The following PLXDC2 variants were observed in gnomAD, a reference collection of about 807,000 sequenced individuals.
PLXDC2 encodes the protein plexin domain containing 2.
PLXDC2 carries 40 observed loss-of-function variants against 68.9 expected under a neutral mutation model. The ratio of observed to expected loss-of-function variants is 0.58; its 90% confidence interval spans 0.45 to 0.76. The LOEUF (loss-of-function observed/expected upper bound fraction) is 0.76, where lower values mean the gene tolerates loss of function less well. Ranked by LOEUF, PLXDC2 falls within the 30% of genes least tolerant of loss-of-function variation. The pLI, the probability that PLXDC2 is intolerant of heterozygous loss-of-function variation, is 0.00. For missense variants in PLXDC2, 644 were observed against 661.9 expected, an observed-to-expected ratio of 0.97 and a Z score of 0.30; for synonymous variants, 243 against 234.2, an observed-to-expected ratio of 1.04 and a Z score of -0.34.
rs1477511370 is a variant in PLXDC2, at chr10:20,053,602, C to T, written c.471+6587C>T. On this transcript the variant is annotated intron_variant, in intron 3 of 13. Transcript: ENST00000377252. ...TTTGTGATTTTCCTCTATATTTCTA[C>T]GTCCATGTTATTTAATTTATTTCTG... 3.3e-5 allele frequency among the ~76,000 whole-genome samples: 5 copies of T among 152,226 alleles called. No individual in the cohort carries two copies. In the East Asian group the frequency reaches 5.8e-4, roughly 18 times the overall value.
chr10:20,062,926 G>C (rs1025339427), intron 3 of PLXDC2, among the ~76,000 whole-genome samples: 1 of 151,728 alleles, frequency 6.6e-6, no homozygotes, highest in Non-Finnish European at 1.5e-5. Context: ...ACTCTTCCCA[G>C]AGTTAATACT....
chr10:19,956,109 G>C (rs577097111), intron 1 of PLXDC2, among the ~76,000 whole-genome samples: 4 of 152,080 alleles, frequency 2.6e-5, no homozygotes, highest in African/African-American at 9.6e-5. Context: ...TTCTATTAGA[G>C]TAGATATTGG....
intron 1 of PLXDC2, among the ~76,000 whole-genome samples, chr10:19,830,518 C>G (rs1192219619): frequency 6.6e-6 from 1 of 152,164 alleles, no homozygotes; most frequent in African/African-American, 2.4e-5. Flanking sequence ...TCTGATATTT[C>G]TATCTCCTCA....
chr10:20,152,221 A>G (rs1049501391), intron 6 of PLXDC2, among the ~76,000 whole-genome samples: 2 of 152,138 alleles, frequency 1.3e-5, no homozygotes, highest in African/African-American at 4.8e-5. Context: ...AGTTATAACA[A>G]TCTTGCTTAT....
At chr10:20,076,737 A>G (rs570057461) in intron 4 of PLXDC2, among the ~76,000 whole-genome samples, 131 of 152,272 alleles carry the variant, frequency 8.6e-4, no homozygotes, top group African/African-American at 3.1e-3. Flanking sequence ...AACTGCTCCT[A>G]TTAAAGGCTG....
intron 13 of PLXDC2, among the ~76,000 whole-genome samples, chr10:20,279,073 C>G (rs933392194): frequency 2.6e-5 from 4 of 152,120 alleles, no homozygotes; most frequent in Non-Finnish European, 5.9e-5. Flanking sequence ...TCACGATTGG[C>G]CACACCCTCT....
chr10:19,933,212 T>C (rs193072350), intron 1 of PLXDC2, among the ~76,000 whole-genome samples: 1 of 152,316 alleles, frequency 6.6e-6, no homozygotes, highest in African/African-American at 2.4e-5. Context: ...TGTTTCCTCT[T>C]TTTCTTAAAG....
At chr10:19,997,841 C>T (rs1834867341) in intron 1 of PLXDC2, among the ~76,000 whole-genome samples, 1 of 152,098 alleles carries the variant, frequency 6.6e-6, no homozygotes, top group African/African-American at 2.4e-5. Flanking sequence ...CAATGAAGAA[C>T]TTTCTACAAT....
In PLXDC2 at chr10:20,287,644, T is replaced by C. The variant is rs1449160053; in HGVS notation, c.*7825T>C. Reference sequence around the variant, plus strand: ...TCAGAGCTTCACTTGCAAAGAAATGTTAAAATCATTTTAGGGAAATCAGTG... The same window carrying C: ...TCAGAGCTTCACTTGCAAAGAAATGCTAAAATCATTTTAGGGAAATCAGTG... On this transcript the variant is annotated 3_prime_UTR_variant, in exon 14 of 14. Coordinates refer to ENST00000377252, the MANE Select transcript of PLXDC2 (RefSeq NM_032812.9). The C allele has an allele frequency of 2.0e-5, 3 of 152,128 alleles. No individual in the cohort carries two copies. The highest frequency in any genetic ancestry group is 4.4e-5 in the Non-Finnish European group (3 of 68,036). The allele number at this position is 152,128 out of a possible 1,614,324, so 9.4% of individuals were successfully genotyped here. A position where few individuals can be genotyped will look rare whatever the true frequency, so the allele number is the denominator to read the frequency against.
chr10:20,126,189 A>G (rs1431926326), intron 4 of PLXDC2, among the ~76,000 whole-genome samples: 2 of 146,104 alleles, frequency 1.4e-5, no homozygotes, highest in Non-Finnish European at 3.0e-5. Flanking sequence ...GTTATATAAT[A>G]CATATATGTA....
At chr10:19,849,887 A>C (rs762577513) in intron 1 of PLXDC2, among the ~76,000 whole-genome samples, 2 of 152,162 alleles carry the variant, frequency 1.3e-5, no homozygotes, top group East Asian at 3.9e-4. Context: ...AATAAATTGC[A>C]GTAGAGATTT....
At position 20,285,388 on chromosome 10, in the gene PLXDC2, T is replaced by G. The variant is rs1478401906; in HGVS notation, c.*5569T>G. The stretch of plus-strand genomic sequence containing the variant: ...ATATACAGTAGTGAGAGTCCAGGCA[T>G]GTAACCGATCATTATAATACAATAA... On this transcript the variant is annotated 3_prime_UTR_variant, in exon 14 of 14. Transcript: ENST00000377252. The G allele has an allele frequency of 2.6e-5, 4 of 152,264 alleles. No homozygotes were observed. Among genetic ancestry groups the G allele is most frequent in the Middle Eastern group, 3.4e-3 (1 of 294 alleles). 9.4% of individuals were successfully genotyped at this position (152,264 alleles called of 1,614,324 possible). A position where few individuals can be genotyped will look rare whatever the true frequency, so the allele number is the denominator to read the frequency against.
intron 1 of PLXDC2, among the ~76,000 whole-genome samples, chr10:19,849,182 T>G (rs1837068865): frequency 6.6e-6 from 1 of 152,132 alleles, no homozygotes; most frequent in Non-Finnish European, 1.5e-5. Flanking sequence ...ACAAGTTTAT[T>G]GTAGATAATG....
chr10:20,117,911 GA>G (rs893485091), intron 4 of PLXDC2, among the ~76,000 whole-genome samples: 1 of 152,164 alleles, frequency 6.6e-6, no homozygotes, highest in African/African-American at 2.4e-5. Flanking sequence ...AATGCTTTTA[GA>G]CTAAGTAAGC....
At chr10:20,220,789 C>T (rs1288082098) in intron 12 of PLXDC2, among the ~76,000 whole-genome samples, 7 of 150,146 alleles carry the variant, frequency 4.7e-5, no homozygotes, top group Admixed American at 2.0e-4. Context: ...ATCTTCAAGA[C>T]GGTTATGAAG....
At chr10:19,912,498 C>G (rs2131374998) in intron 1 of PLXDC2, among the ~76,000 whole-genome samples, 1 of 152,190 alleles carries the variant, frequency 6.6e-6, no homozygotes, top group South Asian at 2.1e-4. Context: ...CCTTAATTAC[C>G]TTATGATACA....
intron 1 of PLXDC2, among the ~76,000 whole-genome samples, chr10:19,836,328 G>A (rs912401065): frequency 4.6e-5 from 7 of 152,170 alleles, no homozygotes; most frequent in Admixed American, 1.3e-4. Context: ...AGGTGCATAA[G>A]TGAGTTGAGA....
intron 9 of PLXDC2, among the ~76,000 whole-genome samples, chr10:20,211,452 C>A (rs12243771): frequency 1.3e-5 from 2 of 152,002 alleles, no homozygotes; most frequent in Non-Finnish European, 1.5e-5. Context: ...TTGCCATGTG[C>A]GATCCTAACA....
At chr10:20,134,822 A>G (rs1286452575) in intron 4 of PLXDC2, among the ~76,000 whole-genome samples, 1 of 151,946 alleles carries the variant, frequency 6.6e-6, no homozygotes, top group Admixed American at 6.6e-5. Context: ...CTGGAGTCAC[A>G]TGGGCCAGCC....
Sources: gnomAD v4.1 joint callset for allele counts (sites outside exome capture counted in the v4.1 genomes callset) on GRCh38, gnomAD v4.1.1 for gene constraint, MANE v1.5 for transcripts, NCBI Gene and HGNC (gene_info 2026-07-23, HGNC 2026-07-21) for gene names.